CFAP52: variants seen among roughly 807,000 people sequenced by gnomAD.
The protein encoded by CFAP52 is cilia and flagella associated protein 52, also known as cilia- and flagella-associated protein 52.
CFAP52 carries 57 observed loss-of-function variants against 70.5 expected under a neutral mutation model. That is an observed-to-expected ratio of 0.81 (90% confidence interval 0.65 to 1.01). The LOEUF (loss-of-function observed/expected upper bound fraction) is 1.01. Among genes scored for constraint, CFAP52 ranks in the 50% least tolerant of loss-of-function variants. CFAP52 has a pLI of 0.00. For missense variants in CFAP52, 785 were observed against 788.5 expected (o/e 1.00, Z 0.05); for synonymous variants, 267 against 292.5 (o/e 0.91, Z 0.89).
intron 8 of CFAP52, among the ~76,000 whole-genome samples, chr17:9,615,829 AG>A (rs1477911920): frequency 2.1e-5 from 3 of 141,158 alleles, no homozygotes; most frequent in East Asian, 4.3e-4. Context: ...TCCCAGAAAC[AG>A]GGTCTCACTA....
intron 8 of CFAP52, among the ~76,000 whole-genome samples, chr17:9,622,851 C>T (rs541748556): frequency 2.2e-4 from 34 of 152,286 alleles, no homozygotes; most frequent in African/African-American, 7.2e-4. Flanking sequence ...CCCTCACCCT[C>T]CTACTTACTA....
rs753969601 is a variant in CFAP52 at position 9,608,105 on chromosome 17, GT to G, written c.754-9del. ...GATTTTTGTGCTTTTTCTTAACACAGTTTTTCCCCCTAGGGAGTGTCAGCTA... is the reference window on the plus strand; with the variant it reads ...GATTTTTGTGCTTTTTCTTAACACAGTTTTCCCCCTAGGGAGTGTCAGCTA... On this transcript the variant is annotated splice_polypyrimidine_tract_variant and intron_variant, in intron 6 of 13. Transcript: ENST00000352665. 3.1e-6 allele frequency: 5 copies of G among 1,601,824 alleles called. No homozygotes were observed. The highest frequency in any genetic ancestry group is 4.3e-6 in the Non-Finnish European group (5 of 1,172,596).
At chr17:9,577,834 G>A (rs1208203788) in intron 1 of CFAP52, among the ~76,000 whole-genome samples, 1 of 152,232 alleles carries the variant, frequency 6.6e-6, no homozygotes, top group Non-Finnish European at 1.5e-5. Flanking sequence ...GCTCATGCCT[G>A]TAATCCCAGC....
chr17:9,609,484 C>A (rs530287631), intron 7 of CFAP52, among the ~76,000 whole-genome samples: 1 of 152,098 alleles, frequency 6.6e-6, no homozygotes, highest in East Asian at 1.9e-4. Context: ...CGCTTGAGCC[C>A]AGGAGTTCCA....
chr17:9,581,593 G>A (rs371873279), intron 1 of CFAP52, among the ~76,000 whole-genome samples: 22 of 151,920 alleles, frequency 1.4e-4, no homozygotes, highest in African/African-American at 3.9e-4. Flanking sequence ...GAAAGAAGGC[G>A]AGAGAGAGAG....
At chr17:9,640,696 T>C (rs111784998) in intron 12 of CFAP52, among the ~76,000 whole-genome samples, 1,971 of 152,166 alleles carry the variant, frequency 0.013, 49 homozygotes, top group African/African-American at 0.045. Context: ...TGCAGTGGCA[T>C]AATCTCAGCT....
chr17:9,643,032 A>T lies in CFAP52; in HGVS notation c.1697A>T (p.Asp566Val), dbSNP rs1344236289. The T allele has an allele frequency of 6.3e-7, 1 of 1,599,060 alleles. No homozygotes were observed. The highest frequency in any genetic ancestry group is 8.5e-7 in the Non-Finnish European group (1 of 1,172,870). Residue 566 changes from aspartate to valine, a missense_variant, in exon 14 of 14, where the codon GAC (aspartate) becomes GTC (valine). Asp to Val is a radical substitution (Grantham distance 152). Coordinates refer to ENST00000352665, the MANE Select transcript of CFAP52 (RefSeq NM_145054.5). ...EGVHFVTGGNDHLVKVWDYNE... is the reference protein window; with the variant it reads ...EGVHFVTGGNVHLVKVWDYNE... ...TGTTTATCTTTTTCAGGTGGAAATGACCATCTGGTCAAAGTTTGGGATTAT... is the reference window on the plus strand; with the variant it reads ...TGTTTATCTTTTTCAGGTGGAAATGTCCATCTGGTCAAAGTTTGGGATTAT...
At chr17:9,615,621 GTT>G (rs138772764) in intron 8 of CFAP52, among the ~76,000 whole-genome samples, 1 of 149,038 alleles carries the variant, frequency 6.7e-6, no homozygotes, top group Non-Finnish European at 1.5e-5. Flanking sequence ...CCCTTGAATT[GTT>G]TTTTTTTCTT....
At chr17:9,594,576 G>A (rs1353080857) in intron 4 of CFAP52, 1 of 277,596 alleles carries the variant, frequency 3.6e-6, no homozygotes, top group Non-Finnish European at 6.5e-6. Context: ...TCTTGTTTGT[G>A]ACAGAATTAT....
chr17:9,642,581 G>A (rs2151955297), intron 13 of CFAP52, among the ~76,000 whole-genome samples: 1 of 152,296 alleles, frequency 6.6e-6, no homozygotes, highest in African/African-American at 2.4e-5. Context: ...CTGAGATCAT[G>A]CCACTCCACT....
chr17:9,586,982 A>G (rs1295506449), intron 3 of CFAP52, 148 bp downstream of exon 3: 1 of 942,792 alleles, frequency 1.1e-6, no homozygotes, highest in African/African-American at 1.8e-5. Context: ...TGCTCAGCCT[A>G]GTACCCAGTA....
At chr17:9,588,416 T>C (rs1017679884) in intron 3 of CFAP52, among the ~76,000 whole-genome samples, 2 of 152,268 alleles carry the variant, frequency 1.3e-5, no homozygotes, top group East Asian at 3.9e-4. Flanking sequence ...GAAGGCAGGG[T>C]AGAGCTGGCT....
intron 6 of CFAP52, among the ~76,000 whole-genome samples, chr17:9,604,412 T>G (rs942640294): frequency 6.6e-6 from 1 of 152,124 alleles, no homozygotes; most frequent in African/African-American, 2.4e-5. Context: ...TACAGAGAAC[T>G]TTTAAAACTC....
intron 9 of CFAP52, among the ~76,000 whole-genome samples, chr17:9,631,106 G>GAAAGAAAGAAAGAA (rs60109261): frequency 1.4e-5 from 2 of 146,496 alleles, no homozygotes; most frequent in African/African-American, 5.4e-5. Context: ...GAGAAAGAAA[G>GAAAGAAAGAAAGAA]AACATAAGTC....
At chr17:9,604,059 G>A (rs1038067107) in intron 6 of CFAP52, among the ~76,000 whole-genome samples, 5 of 152,118 alleles carry the variant, frequency 3.3e-5, no homozygotes, top group Non-Finnish European at 7.4e-5. Flanking sequence ...AAAAAAGATC[G>A]TCTTTTTAAT....
chr17:9,642,981 C>T, intron 13 of CFAP52, 42 bp from the exon 14 acceptor site: 6 of 1,496,124 alleles, frequency 4.0e-6, no homozygotes, highest in Non-Finnish European at 5.4e-6. Context: ...GTTTCTCTCT[C>T]TCCTATTGCA....
chr17:9,589,800 A>AATTTTTTTT, intron 3 of CFAP52: 1 of 5,510 alleles, frequency 1.8e-4, no homozygotes, highest in Non-Finnish European at 3.9e-4. Flanking sequence ...TCTTAGCTCA[A>AATTTTTTTT]CTTTTTTTTT....
intron 8 of CFAP52, among the ~76,000 whole-genome samples, chr17:9,613,591 C>G (rs1909791873): frequency 6.6e-6 from 1 of 152,030 alleles, no homozygotes; most frequent in Non-Finnish European, 1.5e-5. Context: ...GATTTCGACT[C>G]ACTGCAACCT....
chr17:9,605,694 GAAAAAAAA>G (rs56157011), intron 6 of CFAP52, among the ~76,000 whole-genome samples: 3 of 56,968 alleles, frequency 5.3e-5, no homozygotes, highest in Non-Finnish European at 6.6e-5. Context: ...GACTCCATCT[GAAAAAAAA>G]AAAAAAAAAA....
Sources: gnomAD v4.1 joint callset for allele counts (sites outside exome capture counted in the v4.1 genomes callset) on GRCh38, gnomAD v4.1.1 for gene constraint, MANE v1.5 for transcripts, NCBI Gene and HGNC (gene_info 2026-07-23, HGNC 2026-07-21) for gene names.